ROBO2: variants seen among roughly 807,000 people sequenced by gnomAD.
The protein encoded by ROBO2 is roundabout homolog 2.
ROBO2 carries 53 observed loss-of-function variants against 160.8 expected under a neutral mutation model. The observed-to-expected ratio is 0.33, with a 90% confidence interval of 0.26 to 0.41. The LOEUF (loss-of-function observed/expected upper bound fraction) is 0.41, where lower values mean the gene tolerates loss of function less well. Ranked by LOEUF, ROBO2 falls within the 10% of genes least tolerant of loss-of-function variation. The pLI is 1.00. For synonymous variants in ROBO2, 664 were observed against 611.7 expected, an observed-to-expected ratio of 1.09 and a Z score of -1.26; for missense variants, 1,577 against 1,722.4, an observed-to-expected ratio of 0.92 and a Z score of 1.49.
chr3:76,719,520 T>TA (rs879854563), intron 2 of ROBO2, among the ~76,000 whole-genome samples: 2 of 152,112 alleles, frequency 1.3e-5, no homozygotes, highest in Non-Finnish European at 2.9e-5. Flanking sequence ...TAATTTAAAG[T>TA]AAAAAAATCC....
chr3:76,557,805 A>G (rs2083894383), intron 2 of ROBO2, among the ~76,000 whole-genome samples: 1 of 151,072 alleles, frequency 6.6e-6, no homozygotes, highest in Admixed American at 6.6e-5. Flanking sequence ...TTTCTTACCG[A>G]GTTCCTGGCT....
chr3:76,869,342 GTTTTTTTTTTT>G (rs34051755), intron 2 of ROBO2, among the ~76,000 whole-genome samples: 1 of 71,356 alleles, frequency 1.4e-5, no homozygotes, highest in African/African-American at 5.1e-5. Context: ...AGAAATTGAT[GTTTTTTTTTTT>G]TTTTTTTTTT....
intron 2 of ROBO2, among the ~76,000 whole-genome samples, chr3:76,475,668 A>G (rs553209571): frequency 6.6e-6 from 1 of 152,286 alleles, no homozygotes; most frequent in South Asian, 2.1e-4. Context: ...ATAACATGCA[A>G]CTAGTTCAAA....
At chr3:77,353,774 G>T (rs543436540) in intron 2 of ROBO2, among the ~76,000 whole-genome samples, 2 of 152,232 alleles carry the variant, frequency 1.3e-5, no homozygotes, top group Non-Finnish European at 1.5e-5. Flanking sequence ...GCCTCCCAAA[G>T]TGCTGGGATT....
intron 2 of ROBO2, among the ~76,000 whole-genome samples, chr3:76,478,966 C>G (rs13093217): frequency 0.29 from 44,723 of 151,894 alleles, 7,255 homozygotes; most frequent in East Asian, 0.37. Context: ...TCCAGCCTAA[C>G]TTCACACACT....
At chr3:76,435,384 C>T (rs989235657) in intron 2 of ROBO2, 25 of 781,706 alleles carry the variant, frequency 3.2e-5, no homozygotes, top group Admixed American at 3.1e-4. Context: ...GACCCTACAG[C>T]ATGGGCAGAA....
At chr3:77,592,214 G>C (rs2094197375) in intron 17 of ROBO2, among the ~76,000 whole-genome samples, 1 of 152,064 alleles carries the variant, frequency 6.6e-6, no homozygotes, top group Non-Finnish European at 1.5e-5. Context: ...AATTGTATGT[G>C]AACCTTTTTA....
In ROBO2 at chr3:77,040,868, C is replaced by CT. The variant is rs751481090; in HGVS notation, c.61+29dup. The CT allele has an allele frequency of 2.6e-4, 424 of 1,613,820 alleles. 1 individual carries two copies. Among genetic ancestry groups the CT allele is most frequent in the South Asian group, 1.6e-3 (146 of 91,068 alleles). On this transcript the variant is annotated intron_variant, in intron 1 of 25. Coordinates refer to ENST00000461745, the Ensembl canonical transcript of ROBO2. ...GATGGTAAGTTAAAAATGCTTTCAT[C>CT]TTTTTTTGCGCCCCCCACCCCCCAA...
At chr3:77,298,932 A>G (rs1030905452) in intron 2 of ROBO2, among the ~76,000 whole-genome samples, 1 of 152,160 alleles carries the variant, frequency 6.6e-6, no homozygotes, top group Admixed American at 6.6e-5. Flanking sequence ...TCTGGAACAA[A>G]TCAGTAGCCA....
chr3:77,186,841 C>T (rs980418728), intron 2 of ROBO2, among the ~76,000 whole-genome samples: 1 of 151,940 alleles, frequency 6.6e-6, no homozygotes, highest in Non-Finnish European at 1.5e-5. Context: ...AATGCTTTAA[C>T]TTCCTTTGAT....
chr3:76,817,919 T>G (rs2065824767), intron 2 of ROBO2, among the ~76,000 whole-genome samples: 1 of 151,554 alleles, frequency 6.6e-6, no homozygotes, highest in African/African-American at 2.4e-5. Flanking sequence ...ACATTTCAGG[T>G]GGCTCCGTAG....
At chr3:76,336,476 T>C (rs1676246458) in intron 2 of ROBO2, among the ~76,000 whole-genome samples, 2 of 152,192 alleles carry the variant, frequency 1.3e-5, no homozygotes, top group African/African-American at 4.8e-5. Context: ...TCCAACAATG[T>C]CCCTTTTATG....
intron 2 of ROBO2, among the ~76,000 whole-genome samples, chr3:76,304,739 T>TTCC (rs34156915): frequency 0.34 from 28,013 of 82,506 alleles, 4,020 homozygotes; most frequent in South Asian, 0.43. Context: ...TTTCTTTTCT[T>TTCC]TTCTTTCCTT....
At chr3:76,083,027 GAGGCGCTTCCTTCAC>G (rs2108039040) in intron 2 of ROBO2, among the ~76,000 whole-genome samples, 1 of 152,186 alleles carries the variant, frequency 6.6e-6, no homozygotes, top group South Asian at 2.1e-4. Flanking sequence ...ATTAAAAGAG[GAGGCGCTTCCTTCAC>G]AGTGTGGGAG....
At chr3:76,380,595 GTACAAATACAGTGTA>G (rs1214640951) in intron 2 of ROBO2, among the ~76,000 whole-genome samples, 1 of 151,804 alleles carries the variant, frequency 6.6e-6, no homozygotes, top group Non-Finnish European at 1.5e-5. Context: ...TTTCTTTATT[GTACAAATACAGTGTA>G]TAATAGATAT....
intron 2 of ROBO2, among the ~76,000 whole-genome samples, chr3:76,671,416 C>T (rs939013387): frequency 6.6e-6 from 1 of 152,036 alleles, no homozygotes; most frequent in Non-Finnish European, 1.5e-5. Context: ...CAAAATACAC[C>T]CTGATTTGAA....
chr3:76,254,805 A>T (rs1706256237), intron 2 of ROBO2, among the ~76,000 whole-genome samples: 1 of 151,990 alleles, frequency 6.6e-6, no homozygotes, highest in African/African-American at 2.4e-5. Flanking sequence ...CTGTTTCAAC[A>T]TCGATCAATA....
At chr3:76,853,580 G>A (rs897149835) in intron 2 of ROBO2, among the ~76,000 whole-genome samples, 2 of 152,046 alleles carry the variant, frequency 1.3e-5, no homozygotes, top group Non-Finnish European at 2.9e-5. Flanking sequence ...ACTTTTGGGT[G>A]GAGATAACCT....
In ROBO2 at chr3:76,498,157, A is replaced by G. The variant is rs10511048; in HGVS notation, c.109+560555A>G. ...GCATATATTTTTTCAAAAAGTGTAT[A>G]TGTACTCCAAACATTATTTCTCAGT... On this transcript the variant is annotated intron_variant, in intron 2 of 26. Transcript: ENST00000487694. 2.3e-4 allele frequency among the ~76,000 whole-genome samples: 35 copies of G among 152,128 alleles called. 1 individual carries two copies. The East Asian group carries it at 6.4e-3, about 28-fold the overall frequency.
Sources: allele counts gnomAD v4.1 joint callset (sites outside exome capture counted in the v4.1 genomes callset), GRCh38; gene constraint gnomAD v4.1.1; transcripts MANE v1.5; gene names NCBI Gene and HGNC (gene_info 2026-07-23, HGNC 2026-07-21).